The following TRIM2 variants were observed in gnomAD, a reference collection of about 807,000 sequenced individuals.
TRIM2 encodes tripartite motif containing 2.
Under a neutral mutation model 75.2 loss-of-function variants are expected in TRIM2, and 20 were observed. The ratio of observed to expected loss-of-function variants is 0.27; its 90% CI spans 0.19 to 0.39. The LOEUF is 0.39. TRIM2 is among the 10% of genes least tolerant of loss of function. TRIM2 has a pLI of 1.00. For synonymous variants in TRIM2, 373 were observed against 388.3 expected (o/e 0.96, Z 0.46); for missense variants, 660 against 990.8 (o/e 0.67, Z 4.48).
rs1769605206 is a variant in TRIM2 at position 153,324,103 on chromosome 4, C to T, written c.1977C>T (p.Ser659=). The T allele has an allele frequency of 6.2e-7, 1 of 1,612,404 alleles. No homozygotes were observed. The highest frequency in any genetic ancestry group is 8.5e-7 in the Non-Finnish European group (1 of 1,179,494). ...GTCCCCATTTTGCAGCTGTAAATAG[C>T]AATAATGAGATTATTATTACAGATT... ...FAGPHFAAVN[S]NNEIIITDFH... Residue 659 remains serine (S), a synonymous_variant, in exon 10 of 12, where the codon AGC becomes AGT. Coordinates refer to ENST00000338700, the MANE Select transcript of TRIM2 (RefSeq NM_015271.5).
chr4:153,330,999 A>G (rs953586770), intron 11 of TRIM2, among the ~76,000 whole-genome samples: 1 of 152,228 alleles, frequency 6.6e-6, no homozygotes, highest in African/African-American at 2.4e-5. Flanking sequence ...TGAGTTCAGC[A>G]AGATTGCAGA....
chr4:153,225,941 G>C (rs149748486), intron 1 of TRIM2, among the ~76,000 whole-genome samples: 125 of 152,254 alleles, frequency 8.2e-4, no homozygotes, highest in African/African-American at 2.9e-3. Context: ...CACAATCATG[G>C]TTCACAGCAT....
At chr4:153,204,001 T>A (rs946728756), upstream of TRIM2, among the ~76,000 whole-genome samples, 1 of 152,228 alleles carries the variant, frequency 6.6e-6, no homozygotes, top group African/African-American at 2.4e-5. Flanking sequence ...TTCAATAAAA[T>A]AAGCATGTCA....
chr4:153,324,834 C>T (rs1242648464), intron 10 of TRIM2, among the ~76,000 whole-genome samples: 3 of 152,082 alleles, frequency 2.0e-5, no homozygotes, highest in African/African-American at 4.8e-5. Context: ...AGGTATGATC[C>T]GTGGCCATAG....
intron 3 of TRIM2, among the ~76,000 whole-genome samples, chr4:153,291,144 T>C (rs1369372927): frequency 6.6e-6 from 1 of 152,212 alleles, no homozygotes. Context: ...TAAAATTATC[T>C]TGGACATGGT....
intron 1 of TRIM2, among the ~76,000 whole-genome samples, chr4:153,247,105 G>A (rs1749382950): frequency 6.6e-6 from 1 of 152,190 alleles, no homozygotes; most frequent in Non-Finnish European, 1.5e-5. Flanking sequence ...AAGGCTGCTG[G>A]CTCTAAGGGA....
chr4:153,155,106 C>T (rs140919312), intron 1 of TRIM2, among the ~76,000 whole-genome samples: 1,758 of 152,162 alleles, frequency 0.012, 33 homozygotes, highest in African/African-American at 0.041. Flanking sequence ...CACCATTGCA[C>T]TCCAGCCTGG....
intron 1 of TRIM2, among the ~76,000 whole-genome samples, chr4:153,253,654 G>A (rs980070334): frequency 6.6e-6 from 1 of 152,142 alleles, no homozygotes; most frequent in Non-Finnish European, 1.5e-5. Context: ...ACAACATACA[G>A]ACCTTGCTGA....
At chr4:153,163,495 CTTT>C (rs70949644) in intron 1 of TRIM2, among the ~76,000 whole-genome samples, 21 of 98,684 alleles carry the variant, frequency 2.1e-4, no homozygotes, top group African/African-American at 6.2e-4. Context: ...AGATTTACAT[CTTT>C]TTTTTTTTTT....
At chr4:153,157,689 T>C (rs901599907) in intron 1 of TRIM2, among the ~76,000 whole-genome samples, 1 of 152,218 alleles carries the variant, frequency 6.6e-6, no homozygotes, top group African/African-American at 2.4e-5. Flanking sequence ...CATTACCCTC[T>C]GCCCCCAGCT....
chr4:153,174,762 T>C (rs1731239249), intron 1 of TRIM2, among the ~76,000 whole-genome samples: 2 of 152,194 alleles, frequency 1.3e-5, no homozygotes, highest in South Asian at 4.1e-4. Context: ...AGTATGTGAA[T>C]AAAAGGTCAT....
intron 6 of TRIM2, among the ~76,000 whole-genome samples, chr4:153,297,732 T>A: frequency 6.6e-6 from 1 of 152,214 alleles, no homozygotes; most frequent in East Asian, 1.9e-4. Context: ...ATTGGGCAGA[T>A]CTGGGTTGGA....
intron 1 of TRIM2, among the ~76,000 whole-genome samples, chr4:153,209,232 G>A (rs534577079): frequency 1.3e-5 from 2 of 152,294 alleles, no homozygotes; most frequent in Admixed American, 1.3e-4. Context: ...CCTTGCATTT[G>A]AGAATTTTTA....
chr4:153,337,222 G>T lies in TRIM2; in HGVS notation c.*2256G>T. On this transcript the variant is annotated 3_prime_UTR_variant, in exon 12 of 12. Transcript: ENST00000338700. ...ACAAGTAAAAATGGCTTTTTATTTA[G>T]ATTCTTTCTGTCCCAGGCTGTTGAT... 1.0e-6 allele frequency: 1 copy of T among 985,478 alleles called. No homozygotes were observed. The highest frequency in any genetic ancestry group is 1.2e-6 in the Non-Finnish European group (1 of 829,882). 61.0% of individuals were successfully genotyped at this position (985,478 alleles called of 1,614,324 possible).
At chr4:153,246,942 G>A (rs567304131) in intron 1 of TRIM2, among the ~76,000 whole-genome samples, 155 of 152,314 alleles carry the variant, frequency 1.0e-3, no homozygotes, top group African/African-American at 3.7e-3. Flanking sequence ...CTTGAGAGGC[G>A]CATCAATGTT....
At chr4:153,290,480 T>C (rs1173751936) in intron 3 of TRIM2, among the ~76,000 whole-genome samples, 1 of 152,230 alleles carries the variant, frequency 6.6e-6, no homozygotes. Context: ...CGAATAATTA[T>C]TGAACAGCTT....
At chr4:153,223,504 C>A (rs1741276483) in intron 1 of TRIM2, among the ~76,000 whole-genome samples, 6 of 152,146 alleles carry the variant, frequency 3.9e-5, no homozygotes, top group Non-Finnish European at 8.8e-5. Flanking sequence ...TACTACAGTT[C>A]GGGCTTATTA....
chr4:153,324,567 T>C (rs1273051246), intron 10 of TRIM2: 1 of 202,748 alleles, frequency 4.9e-6, no homozygotes, highest in African/African-American at 2.4e-5. Context: ...GGGAGGGGGA[T>C]AATCCTAGCA....
chr4:153,265,318 TG>T (rs1754677116), intron 1 of TRIM2, among the ~76,000 whole-genome samples: 1 of 150,636 alleles, frequency 6.6e-6, no homozygotes, highest in African/African-American at 2.5e-5. Context: ...AGTTTTTTTT[TG>T]TTTTGTTTTG....
Sources: allele counts gnomAD v4.1 joint callset (sites outside exome capture counted in the v4.1 genomes callset), GRCh38; gene constraint gnomAD v4.1.1; transcripts MANE v1.5; gene names NCBI Gene and HGNC (gene_info 2026-07-23, HGNC 2026-07-21).